The following PTPRT variants were observed in gnomAD, a reference collection of about 807,000 sequenced individuals.
The protein encoded by PTPRT is protein tyrosine phosphatase receptor type T, also known as receptor-type tyrosine-protein phosphatase T.
A neutral mutation model predicts 176.8 loss-of-function variants in PTPRT; 56 were observed. The ratio of observed to expected loss-of-function variants is 0.32; its 90% CI spans 0.26 to 0.40. PTPRT has a LOEUF of 0.40. PTPRT is among the 10% of genes least tolerant of loss of function. PTPRT has a pLI of 1.00. For synonymous variants in PTPRT, 783 were observed against 739.0 expected (o/e 1.06, Z -0.96); for missense variants, 1,540 against 1,908.2 (o/e 0.81, Z 3.60).
At chr20:42,720,836 A>C (rs1270246255) in intron 6 of PTPRT, among the ~76,000 whole-genome samples, 1 of 152,160 alleles carries the variant, frequency 6.6e-6, no homozygotes, top group Non-Finnish European at 1.5e-5. Flanking sequence ...GGCATTTTTG[A>C]ATATAACTGT....
At chr20:42,598,691 A>G (rs1225806457) in intron 7 of PTPRT, among the ~76,000 whole-genome samples, 1 of 149,364 alleles carries the variant, frequency 6.7e-6, no homozygotes, top group Admixed American at 6.6e-5. Context: ...AACCATACAT[A>G]GGGAAAAAAA....
chr20:42,370,124 A>C (rs2145595786), intron 9 of PTPRT, among the ~76,000 whole-genome samples: 1 of 152,250 alleles, frequency 6.6e-6, no homozygotes, highest in Non-Finnish European at 1.5e-5. Context: ...AACCACACTA[A>C]CTCATATGGG....
At chr20:42,644,209 T>C (rs1310324513) in intron 7 of PTPRT, among the ~76,000 whole-genome samples, 10 of 152,168 alleles carry the variant, frequency 6.6e-5, no homozygotes, top group Admixed American at 1.3e-4. Context: ...CTCTGTCACC[T>C]GGACCTTTGT....
At chr20:42,572,044 C>A (rs929771400) in intron 7 of PTPRT, among the ~76,000 whole-genome samples, 22 of 152,162 alleles carry the variant, frequency 1.4e-4, no homozygotes, top group African/African-American at 5.3e-4. Context: ...GTTCTGGGGA[C>A]TGGGAAGTCC....
At chr20:42,775,349 T>C (rs954927612) in intron 4 of PTPRT, among the ~76,000 whole-genome samples, 2 of 152,198 alleles carry the variant, frequency 1.3e-5, no homozygotes, top group African/African-American at 2.4e-5. Context: ...ATTAGAAACA[T>C]GTTGCAGATG....
intron 7 of PTPRT, among the ~76,000 whole-genome samples, chr20:42,591,249 G>T (rs760684161): frequency 4.6e-5 from 7 of 152,032 alleles, no homozygotes; most frequent in Non-Finnish European, 1.0e-4. Context: ...ATTGTGTAAT[G>T]CCAAAAGAAA....
At chr20:42,729,327 A>T (rs1233966410) in intron 6 of PTPRT, among the ~76,000 whole-genome samples, 2 of 152,244 alleles carry the variant, frequency 1.3e-5, no homozygotes, top group African/African-American at 4.8e-5. Flanking sequence ...AGAAAAAAAC[A>T]GAGGAAATTT....
chr20:42,041,521 A>T, the PTPRT span, among the ~76,000 whole-genome samples: 1 of 152,144 alleles, frequency 6.6e-6, no homozygotes, highest in Non-Finnish European at 1.5e-5. Flanking sequence ...CTAGTGATAC[A>T]TTACATTGTT....
the PTPRT span, among the ~76,000 whole-genome samples, chr20:42,065,480 A>G: frequency 1.3e-5 from 2 of 152,230 alleles, no homozygotes; most frequent in Admixed American, 1.3e-4. Flanking sequence ...TTTATTTCTC[A>G]TACACACAAC....
chr20:42,653,069 T>A (rs917277922), intron 7 of PTPRT, among the ~76,000 whole-genome samples: 3 of 152,162 alleles, frequency 2.0e-5, no homozygotes, highest in Non-Finnish European at 4.4e-5. Flanking sequence ...GAACTGTAGT[T>A]CCCATAGTAC....
chr20:42,948,993 C>A (rs1051296821), intron 1 of PTPRT, among the ~76,000 whole-genome samples: 2 of 152,196 alleles, frequency 1.3e-5, no homozygotes, highest in African/African-American at 2.4e-5. Context: ...TGTACACAAC[C>A]AACCCCCCAT....
intron 29 of PTPRT, among the ~76,000 whole-genome samples, chr20:42,083,162 A>G (rs1180009237): frequency 6.8e-6 from 1 of 147,620 alleles, no homozygotes; most frequent in African/African-American, 2.5e-5. Flanking sequence ...AACATGAGAG[A>G]GAGAGAGAGG....
chr20:42,056,861 C>T, the PTPRT span, among the ~76,000 whole-genome samples: 103 of 152,320 alleles, frequency 6.8e-4, no homozygotes, highest in African/African-American at 2.4e-3. Context: ...CAGGAAAGAG[C>T]AGAAGACTTC....
chr20:42,310,540 A>G (rs1210457913), intron 12 of PTPRT, among the ~76,000 whole-genome samples: 1 of 152,158 alleles, frequency 6.6e-6, no homozygotes, highest in Non-Finnish European at 1.5e-5. Context: ...CTGCTCCACA[A>G]AGGAATCAAC....
chr20:42,649,908 T>C (rs2074998342), intron 7 of PTPRT, among the ~76,000 whole-genome samples: 1 of 152,120 alleles, frequency 6.6e-6, no homozygotes, highest in African/African-American at 2.4e-5. Context: ...AGGTCTATGT[T>C]ATCCAGGCAA....
At chr20:42,128,875 T>C (rs758274047) in intron 18 of PTPRT, 45 bp from the exon 19 acceptor site, 17 of 1,501,172 alleles carry the variant, frequency 1.1e-5, no homozygotes, top group Middle Eastern at 1.7e-4. Flanking sequence ...TAAGAGGCCT[T>C]ACGCAGCTAA....
At chr20:42,320,160 A>G (rs1291430341) in intron 11 of PTPRT, among the ~76,000 whole-genome samples, 1 of 152,124 alleles carries the variant, frequency 6.6e-6, no homozygotes, top group Non-Finnish European at 1.5e-5. Context: ...CTCTAAGGTG[A>G]CTTCTGTAAG....
chr20:43,163,073 G>A (rs1468687347), intron 1 of PTPRT, among the ~76,000 whole-genome samples: 1 of 152,212 alleles, frequency 6.6e-6, no homozygotes, highest in Non-Finnish European at 1.5e-5. Flanking sequence ...GAACTGGCTA[G>A]GAAGAGAGCG....
intron 1 of PTPRT, among the ~76,000 whole-genome samples, chr20:43,125,449 C>G (rs1275228579): frequency 2.6e-5 from 4 of 152,136 alleles, no homozygotes; most frequent in Non-Finnish European, 4.4e-5. Context: ...AATAAGCTCC[C>G]CCCATGTAAG....
Sources: gnomAD v4.1 joint callset for allele counts (sites outside exome capture counted in the v4.1 genomes callset) on GRCh38, gnomAD v4.1.1 for gene constraint, MANE v1.5 for transcripts, NCBI Gene and HGNC (gene_info 2026-07-23, HGNC 2026-07-21) for gene names.